Variants in OSBPL5 observed in about 807,000 individuals in gnomAD.
OSBPL5 encodes the protein oxysterol binding protein like 5, also known as oxysterol-binding protein-related protein 5.
Under a neutral mutation model 111.2 loss-of-function variants are expected in OSBPL5, and 71 were observed. The observed-to-expected ratio is 0.64, with a 90% CI of 0.53 to 0.78. The LOEUF is 0.78. Ranked by LOEUF, OSBPL5 falls within the 30% of genes least tolerant of loss-of-function variation. The probability of loss-of-function intolerance (pLI) is 0.00; values close to 1 mark genes in which losing one functional copy is unlikely to be tolerated. For missense variants in OSBPL5, 1,210 were observed against 1,189.3 expected (o/e 1.02, Z -0.26); for synonymous variants, 549 against 513.9 (o/e 1.07, Z -0.93).
chr11:3,148,285 T>A (rs1472336914), intron 1 of OSBPL5, among the ~76,000 whole-genome samples: 3 of 152,206 alleles, frequency 2.0e-5, no homozygotes, highest in African/African-American at 7.2e-5. Flanking sequence ...CGGGGTGGGA[T>A]CTTCCAGAAC....
Position 3,120,490 on chromosome 11 carries a change from C to T in OSBPL5, c.537G>A (p.Arg179=), listed in dbSNP as rs1172293243. The T allele has an allele frequency of 2.5e-6, 4 of 1,613,356 alleles. No individual in the cohort carries two copies. The South Asian group carries it at 4.4e-5, about 18-fold the overall frequency. ...VLLHCCELIE[R]PSKKDGFCFK... is the part of the protein sequence containing the mutation. The stretch of plus-strand genomic sequence containing the variant: ...AGCAGAAGCCGTCCTTCTTGGAGGG[C>T]CGCTCGATGAGCTCGCAGCAGTGCA... Residue 179 remains arginine, a synonymous_variant, in exon 6 of 22, where the codon CGG becomes CGA. Coordinates refer to ENST00000263650, the MANE Select transcript of OSBPL5 (RefSeq NM_020896.4).
chr11:3,104,876 C>A lies in OSBPL5; in HGVS notation c.1060-499G>T, dbSNP rs149624840. The stretch of plus-strand genomic sequence containing the variant: ...TTGAGGTCTGATTGATATACAGAAG[C>A]CTTCAGATATTGAATGTGGACAACT... On this transcript the variant is annotated intron_variant, in intron 9 of 21. Coordinates refer to ENST00000263650, the MANE Select transcript of OSBPL5 (RefSeq NM_020896.4). The surrounding 1 kb of genome is among the most constrained non-coding windows in gnomAD (Gnocchi z 5.0). Among the ~76,000 whole-genome samples, 2,421 of 152,302 alleles carry A rather than the reference C, an allele frequency of 0.016. 47 individuals are homozygous for A. The highest frequency in any genetic ancestry group is 0.05 in the African/African-American group (2,085 of 41,554).
chr11:3,099,788 G>T (rs1028792642), intron 14 of OSBPL5, among the ~76,000 whole-genome samples: 8 of 152,160 alleles, frequency 5.3e-5, no homozygotes, highest in Non-Finnish European at 8.8e-5. Flanking sequence ...CATGGGCGAG[G>T]CTGGGCGCGG....
intron 1 of OSBPL5, among the ~76,000 whole-genome samples, chr11:3,149,795 C>T (rs535030323): frequency 1.8e-3 from 280 of 152,354 alleles, no homozygotes; most frequent in Non-Finnish European, 3.2e-3. Context: ...GCAGGCACCA[C>T]GTAGCCCGGG....
chr11:3,092,495 G>T lies in OSBPL5; in HGVS notation c.2196C>A (p.Thr732=). 6.3e-7 allele frequency: 1 copy of T among 1,578,564 alleles called. No homozygotes were observed. The highest frequency in any genetic ancestry group is 1.2e-5 in the South Asian group (1 of 86,344). ...AQFEQDGILR[T]LQQEAVARQT... ...GGCGGGCCACGGCCTCCTGCTGCAA[G>T]GTCCGCAGGATCCCGTCTTGCTCAA... Residue 732 remains threonine, a synonymous_variant, in exon 19 of 22, where the codon ACC becomes ACA. Transcript: ENST00000263650. This position sits in a 1 kb window ranked among gnomAD's most constrained non-coding sequence, Gnocchi z 5.4.
Position 3,087,887 on chromosome 11 carries a change from C to T in OSBPL5, c.*318G>A. Reference sequence around the variant, plus strand: ...CCTCCCACCCTAAATCCATCCATCCCCCATGGCAAGTGGAGGCCGGACAGG... The same window carrying T: ...CCTCCCACCCTAAATCCATCCATCCTCCATGGCAAGTGGAGGCCGGACAGG... On this transcript the variant is annotated 3_prime_UTR_variant, in exon 22 of 22. Coordinates refer to ENST00000263650, the MANE Select transcript of OSBPL5 (RefSeq NM_020896.4). 1 of 227,072 alleles carries T rather than the reference C, an allele frequency of 4.4e-6. No homozygotes were observed. The highest frequency in any genetic ancestry group is 8.5e-6 in the Non-Finnish European group (1 of 117,248). The allele number at this position is 227,072 out of a possible 1,614,324, so 14.1% of individuals were successfully genotyped here. A position where few individuals can be genotyped will look rare whatever the true frequency, so the allele number is the denominator to read the frequency against.
rs747952743 is a variant in OSBPL5, at chr11:3,088,238, C to T, written c.2607G>A (p.Ala869=). Residue 869 remains alanine, a synonymous_variant, in exon 22 of 22, where the codon GCG becomes GCA. Transcript: ENST00000263650. ...RSWFLLCVFL[A]CQLFINHILK ...GGATGTGGTTAATGAACAGCTGACA[C>T]GCCAGGAACACGCAGAGCAGGAACC... 33 of 1,604,494 alleles carry T rather than the reference C, an allele frequency of 2.1e-5. No homozygotes were observed. The highest frequency in any genetic ancestry group is 1.7e-4 in the Middle Eastern group (1 of 6,010).
intron 21 of OSBPL5, among the ~76,000 whole-genome samples, chr11:3,088,870 T>G (rs1018038599): frequency 1.3e-5 from 2 of 152,186 alleles, no homozygotes; most frequent in Non-Finnish European, 2.9e-5. Flanking sequence ...ACCAGCCCTG[T>G]GGCACCGAGA....
intron 1 of OSBPL5, among the ~76,000 whole-genome samples, chr11:3,133,987 G>GA (rs1199995475): frequency 2.0e-5 from 3 of 152,068 alleles, no homozygotes; most frequent in Non-Finnish European, 4.4e-5. Flanking sequence ...CTTGGTGGGG[G>GA]GGGGGTCACT....
In OSBPL5 at chr11:3,093,830, G is replaced by A. The variant is rs1406134158; in HGVS notation, c.1725C>T (p.Phe575=). The change falls in exon 16 of 22, where the codon TTC becomes TTT. Residue 575 remains phenylalanine, a synonymous_variant. Coordinates refer to ENST00000263650, the MANE Select transcript of OSBPL5 (RefSeq NM_020896.4). ...QAQLEFKLKP[F]FGGSTSINQI... Reference sequence around the variant, plus strand: ...GGTTGATGCTGGTGCTACCCCCGAAGAAGGGCTGCGGGGCCACACCCAGAA... The same window carrying A: ...GGTTGATGCTGGTGCTACCCCCGAAAAAGGGCTGCGGGGCCACACCCAGAA... 3 of 1,611,224 alleles carry A rather than the reference G, an allele frequency of 1.9e-6. No homozygotes were observed. Among genetic ancestry groups the A allele is most frequent in the East Asian group, 2.2e-5 (1 of 44,840 alleles).
chr11:3,120,869 A>G (rs1056537366), intron 5 of OSBPL5, among the ~76,000 whole-genome samples: 1 of 152,224 alleles, frequency 6.6e-6, no homozygotes, highest in African/African-American at 2.4e-5. Context: ...CCCAGGACTC[A>G]GAGTGGAACT....
At chr11:3,137,717 G>A (rs1184696453) in intron 1 of OSBPL5, among the ~76,000 whole-genome samples, 1 of 152,218 alleles carries the variant, frequency 6.6e-6, no homozygotes, top group African/African-American at 2.4e-5. Flanking sequence ...GCTGAGGTGG[G>A]AGGATTGCTT....
rs932476953 is a variant in OSBPL5, at chr11:3,107,576, C to T, written c.867-121G>A. On this transcript the variant is annotated intron_variant, in intron 8 of 21. Transcript: ENST00000263650. The surrounding 1 kb of genome is among the most constrained non-coding windows in gnomAD (Gnocchi z 6.1). The stretch of plus-strand genomic sequence containing the variant: ...ACGTTCCTGCCTGTCGTCACCTCCA[C>T]AACCCACATTTGACACGATCAGCCC... 7.2e-7 allele frequency: 1 copy of T among 1,383,710 alleles called. No individual in the cohort carries two copies. Among genetic ancestry groups the T allele is most frequent in the South Asian group, 1.3e-5 (1 of 77,364 alleles). The allele number at this position is 1,383,710 out of a possible 1,614,324, so 85.7% of individuals were successfully genotyped here.
chr11:3,149,219 C>T (rs1237402441), intron 1 of OSBPL5, among the ~76,000 whole-genome samples: 2 of 152,256 alleles, frequency 1.3e-5, no homozygotes, highest in Middle Eastern at 3.2e-3. Context: ...AGCGTCCACA[C>T]CACCACGCTG....
At position 3,093,015 on chromosome 11, in the gene OSBPL5, C is replaced by T. The variant is rs758296373; in HGVS notation, c.1984G>A (p.Asp662Asn). 9.4e-6 allele frequency: 15 copies of T among 1,602,230 alleles called. No individual in the cohort carries two copies. Among genetic ancestry groups the T allele is most frequent in the South Asian group, 6.7e-5 (6 of 89,198 alleles). ...TTCTCCTGTGTGGCCCTGTGCTGGT[C>T]GCCCTTGCTGATGGCCCTGGTGACG... ...QHVTRAISKGDQHRATQEKFA... is the reference protein window; with the variant it reads ...QHVTRAISKGNQHRATQEKFA... The change falls in exon 18 of 22, where the codon GAC (aspartate) becomes AAC (asparagine). Residue 662 changes from aspartate (D) to asparagine (N), a missense_variant. Coordinates refer to ENST00000263650, the MANE Select transcript of OSBPL5 (RefSeq NM_020896.4).
chr11:3,156,217 G>A (rs192266033), intron 1 of OSBPL5, among the ~76,000 whole-genome samples: 2 of 152,342 alleles, frequency 1.3e-5, no homozygotes, highest in African/African-American at 4.8e-5. Context: ...CGTGCCCAAG[G>A]AAACCGGAAC....
At chr11:3,137,325 C>T (rs1216451549) in intron 1 of OSBPL5, among the ~76,000 whole-genome samples, 1 of 152,212 alleles carries the variant, frequency 6.6e-6, no homozygotes, top group Non-Finnish European at 1.5e-5. Context: ...AGAGCCGTGG[C>T]ATGCACTTCA....
chr11:3,128,704 G>A (rs1015599140), intron 2 of OSBPL5, among the ~76,000 whole-genome samples: 3 of 152,202 alleles, frequency 2.0e-5, no homozygotes, highest in African/African-American at 4.8e-5. Flanking sequence ...ACCTGTCCCT[G>A]GAGCCTGCAC....
In OSBPL5 at chr11:3,110,549, T is replaced by G. The variant is rs934518848; in HGVS notation, c.692-2604A>C. Among the ~76,000 whole-genome samples the G allele has an allele frequency of 6.6e-6, 1 of 152,198 alleles. No homozygotes were observed. The highest frequency in any genetic ancestry group is 6.5e-5 in the Admixed American group (1 of 15,284). On this transcript the variant is annotated intron_variant, in intron 7 of 21. Transcript: ENST00000263650. This position sits in a 1 kb window ranked among gnomAD's most constrained non-coding sequence, Gnocchi z 5.3. ...GATGATAACAGTAGAACCTGTTGTTTCAATGGTGCCTGGTGTGAAAGGAAA... is the reference window on the plus strand; with the variant it reads ...GATGATAACAGTAGAACCTGTTGTTGCAATGGTGCCTGGTGTGAAAGGAAA...
Sources: allele counts gnomAD v4.1 joint callset (sites outside exome capture counted in the v4.1 genomes callset), GRCh38; gene constraint gnomAD v4.1.1; non-coding constraint Gnocchi (gnomAD v3.1); transcripts MANE v1.5; gene names NCBI Gene and HGNC (gene_info 2026-07-23, HGNC 2026-07-21).